SMAP2: variants seen among roughly 807,000 people sequenced by gnomAD.
SMAP2 encodes small ArfGAP2.
A neutral mutation model predicts 56.4 loss-of-function variants in SMAP2; 25 were observed. The ratio of observed to expected loss-of-function variants is 0.44; its 90% CI spans 0.32 to 0.62. SMAP2 has a LOEUF of 0.62. Ranked by LOEUF, SMAP2 falls within the 20% of genes least tolerant of loss-of-function variation. The pLI is 0.04. For synonymous variants in SMAP2, 157 were observed against 181.7 expected, an observed-to-expected ratio of 0.86 and a Z score of 1.09; for missense variants, 388 against 545.6, an observed-to-expected ratio of 0.71 and a Z score of 2.88.
intron 1 of SMAP2, among the ~76,000 whole-genome samples, chr1:40,383,866 C>T (rs952798084): frequency 3.9e-5 from 6 of 152,012 alleles, no homozygotes; most frequent in East Asian, 1.9e-4. Context: ...AGGATTGCAG[C>T]GTTAAAACAT....
chr1:40,393,541 C>CTTTTTT lies in SMAP2; in HGVS notation c.104-13178_104-13173dup, dbSNP rs35913943. On this transcript the variant is annotated intron_variant, in intron 1 of 9. Transcript: ENST00000372718. ...AACAAAGTGTAAGTAGTTCTTCTAA[C>CTTTTTT]TTTTTTTTTTTTTTTTTTTTTTGTG... 12 of 812,072 alleles carry CTTTTTT rather than the reference C, an allele frequency of 1.5e-5. No homozygotes were observed. The African/African-American group carries it at 2.1e-4, about 14-fold the overall frequency. 50.3% of individuals were successfully genotyped at this position (812,072 alleles called of 1,614,324 possible). A position where few individuals can be genotyped will look rare whatever the true frequency, so the allele number is the denominator to read the frequency against.
At chr1:40,397,493 C>G (rs1644783616) in intron 1 of SMAP2, among the ~76,000 whole-genome samples, 2 of 152,196 alleles carry the variant, frequency 1.3e-5, no homozygotes, top group Admixed American at 1.3e-4. Context: ...GTAACCTAAT[C>G]CGTTTTCTGT....
In SMAP2 at chr1:40,413,018, A is replaced by G. The variant is rs1176456860; in HGVS notation, c.405A>G (p.Lys135=). 2.5e-6 allele frequency: 4 copies of G among 1,608,314 alleles called. No individual in the cohort carries two copies. The highest frequency in any genetic ancestry group is 4.5e-5 in the East Asian group (2 of 44,876). ...DRSLDINAFR[K]EKDDKWKRGS... ...TTTGTCTTGTTAAATCATTATAGAA[A>G]GAAAAAGATGACAAGTGGAAAAGAG... The change falls in exon 5 of 10, where the codon AAA becomes AAG. Residue 135 remains lysine, a splice_region_variant and synonymous_variant. Coordinates refer to ENST00000372718, the MANE Select transcript of SMAP2 (RefSeq NM_022733.3).
chr1:40,379,192 G>A (rs1219758653), intron 1 of SMAP2, among the ~76,000 whole-genome samples: 2 of 151,814 alleles, frequency 1.3e-5, no homozygotes, highest in Admixed American at 6.6e-5. Context: ...GGCTGGCCTC[G>A]AACTCCTGGC....
At chr1:40,384,012 T>A (rs1644629125) in intron 1 of SMAP2, among the ~76,000 whole-genome samples, 1 of 152,134 alleles carries the variant, frequency 6.6e-6, no homozygotes, top group African/African-American at 2.4e-5. Flanking sequence ...TTCTCATGCC[T>A]CAGCCTTCCA....
chr1:40,373,679 G>C (rs944645595), upstream of SMAP2: 1 of 159,808 alleles, frequency 6.3e-6, no homozygotes, highest in African/African-American at 2.4e-5. Flanking sequence ...GCATGCGCGA[G>C]CTGGGCAGGG....
intron 1 of SMAP2, among the ~76,000 whole-genome samples, chr1:40,352,172 G>A (rs540801601): frequency 1.3e-5 from 2 of 152,248 alleles, no homozygotes; most frequent in Admixed American, 1.3e-4. Flanking sequence ...AAAATAAATA[G>A]TGTTGATAAG....
At chr1:40,379,235 G>A (rs887856641) in intron 1 of SMAP2, among the ~76,000 whole-genome samples, 19 of 152,068 alleles carry the variant, frequency 1.2e-4, no homozygotes, top group Non-Finnish European at 2.6e-4. Flanking sequence ...GCCTCCCAAA[G>A]TGCTTGGATT....
upstream of SMAP2, among the ~76,000 whole-genome samples, chr1:40,372,953 T>C (rs1270327464): frequency 2.0e-5 from 3 of 152,128 alleles, no homozygotes; most frequent in Non-Finnish European, 2.9e-5. Flanking sequence ...GGACAGCCAA[T>C]GAGAAATTAT....
chr1:40,381,822 G>T (rs1644602786), intron 1 of SMAP2, among the ~76,000 whole-genome samples: 1 of 152,182 alleles, frequency 6.6e-6, no homozygotes, highest in African/African-American at 2.4e-5. Context: ...AGTAAGAAAG[G>T]TCTGAGCATG....
intron 1 of SMAP2, among the ~76,000 whole-genome samples, chr1:40,394,300 A>G (rs1208685366): frequency 2.0e-5 from 3 of 152,188 alleles, no homozygotes; most frequent in Non-Finnish European, 2.9e-5. Flanking sequence ...TCAAGTAACC[A>G]TGTCTTGAAG....
chr1:40,356,079 T>C (rs1409479836), intron 1 of SMAP2, among the ~76,000 whole-genome samples: 1 of 152,174 alleles, frequency 6.6e-6, no homozygotes, highest in African/African-American at 2.4e-5. Flanking sequence ...AGTGAGAACA[T>C]GTGAAGTTTG....
intron 1 of SMAP2, among the ~76,000 whole-genome samples, chr1:40,392,661 A>C (rs2124279429): frequency 6.6e-6 from 1 of 152,302 alleles, no homozygotes; most frequent in East Asian, 1.9e-4. Flanking sequence ...TCATAGGCTA[A>C]CCAGGAGACA....
At position 40,416,244 on chromosome 1, in the gene SMAP2, G is replaced by T. The variant is rs770071913; in HGVS notation, c.750G>T (p.Glu250Asp). ...CTGAAAATCTGAACCTGTTTCCGGA[G>T]CCAGGGAGCAAATCAGAAGAAATAG... ...SVPENLNLFP[E>D]PGSKSEEIGK... is the part of the protein sequence containing the mutation. The change falls in exon 8 of 10, where the codon GAG becomes GAT. Residue 250 changes from glutamate (E) to aspartate (D), a missense_variant. Coordinates refer to ENST00000372718, the MANE Select transcript of SMAP2 (RefSeq NM_022733.3). 2.5e-6 allele frequency: 4 copies of T among 1,613,950 alleles called. No homozygotes were observed. Among genetic ancestry groups the T allele is most frequent in the Non-Finnish European group, 3.4e-6 (4 of 1,180,014 alleles).
chr1:40,415,095 C>T (rs2124367771), intron 6 of SMAP2, among the ~76,000 whole-genome samples, 177 bp from the exon 7 acceptor site: 1 of 152,290 alleles, frequency 6.6e-6, no homozygotes, highest in Non-Finnish European at 1.5e-5. Flanking sequence ...CCCCAGAGCA[C>T]TCTGGGAATG....
intron 1 of SMAP2, among the ~76,000 whole-genome samples, chr1:40,347,664 G>A (rs1158730227): frequency 4.6e-5 from 7 of 152,084 alleles, no homozygotes; most frequent in African/African-American, 1.4e-4. Flanking sequence ...CACTGTACCT[G>A]GCCTGTCTTC....
intron 1 of SMAP2, among the ~76,000 whole-genome samples, chr1:40,355,234 C>A (rs974734742): frequency 2.0e-5 from 3 of 152,108 alleles, no homozygotes; most frequent in Non-Finnish European, 4.4e-5. Flanking sequence ...ACTCTTCCGG[C>A]CTCTACTCAG....
At chr1:40,349,180 A>G (rs547627314) in intron 1 of SMAP2, among the ~76,000 whole-genome samples, 44 of 152,044 alleles carry the variant, frequency 2.9e-4, no homozygotes, top group Non-Finnish European at 5.7e-4. Flanking sequence ...AATTTTTCTT[A>G]GATTATTCTT....
At chr1:40,362,009 A>G (rs1005605613) in intron 1 of SMAP2, among the ~76,000 whole-genome samples, 3 of 152,142 alleles carry the variant, frequency 2.0e-5, no homozygotes, top group African/African-American at 7.2e-5. Flanking sequence ...AAGAAAATCA[A>G]CCAAGGGCAT....
Sources: allele counts gnomAD v4.1 joint callset (sites outside exome capture counted in the v4.1 genomes callset), GRCh38; gene constraint gnomAD v4.1.1; transcripts MANE v1.5; gene names NCBI Gene and HGNC (gene_info 2026-07-23, HGNC 2026-07-21).